Variants in AMZ2 observed in about 807,000 individuals in gnomAD.
AMZ2 encodes archaelysin family metallopeptidase 2, also known as archaemetzincin-2.
Under a neutral mutation model 36.7 loss-of-function variants are expected in AMZ2, and 26 were observed. The ratio of observed to expected loss-of-function variants is 0.71; its 90% confidence interval spans 0.52 to 0.98. AMZ2 has a LOEUF of 0.98. Ranked by LOEUF, AMZ2 falls within the 50% of genes least tolerant of loss-of-function variation. The pLI, the probability that AMZ2 is intolerant of heterozygous loss-of-function variation, is 0.00. For missense variants in AMZ2, 394 were observed against 430.5 expected (o/e 0.92, Z 0.75); for synonymous variants, 144 against 149.1 (o/e 0.97, Z 0.25).
intron 1 of AMZ2, chr17:68,249,047 G>C (rs1186717120): frequency 8.4e-7 from 1 of 1,184,736 alleles, no homozygotes. Context: ...CAAGAGGAAG[G>C]ATGAAAGCTC....
intron 6 of AMZ2, among the ~76,000 whole-genome samples, chr17:68,256,386 T>C (rs2074906161): frequency 6.6e-6 from 1 of 152,246 alleles, no homozygotes; most frequent in African/African-American, 2.4e-5. Context: ...TATGACTGCA[T>C]TCAGGTGACT....
At chr17:68,234,474 T>A (rs2073740317) in intron 1 of AMZ2, among the ~76,000 whole-genome samples, 1 of 151,534 alleles carries the variant, frequency 6.6e-6, no homozygotes, top group South Asian at 2.1e-4. Context: ...AACATGTATC[T>A]TATTGGCTGG....
chr17:68,248,193 G>A lies in AMZ2; in HGVS notation c.-513G>A. 1.0e-6 allele frequency: 1 copy of A among 986,438 alleles called. No homozygotes were observed. The highest frequency in any genetic ancestry group is 1.2e-6 in the Non-Finnish European group (1 of 830,720). The allele number at this position is 986,438 out of a possible 1,614,324, so 61.1% of individuals were successfully genotyped here. A position where few individuals can be genotyped will look rare whatever the true frequency, so the allele number is the denominator to read the frequency against. ...CGGGTCGTAGAGGCGGGGGCCGGTC[G>A]CGGTCGGTGGAGCGGGATGAGGATG... On this transcript the variant is annotated 5_prime_UTR_variant, in exon 1 of 7. Transcript: ENST00000359904.
intron 5 of AMZ2, 126 bp downstream of exon 5, chr17:68,254,693 A>G (rs1555741850): frequency 3.5e-6 from 3 of 863,312 alleles, no homozygotes; most frequent in East Asian, 5.5e-5. Flanking sequence ...ATTTTGGTGC[A>G]TAGTGCTTGA....
chr17:68,237,406 T>A (rs2073813338), intron 1 of AMZ2, among the ~76,000 whole-genome samples: 1 of 152,232 alleles, frequency 6.6e-6, no homozygotes, highest in Admixed American at 6.5e-5. Context: ...CAAGTTGGCA[T>A]TTTTACATTG....
intron 1 of AMZ2, among the ~76,000 whole-genome samples, chr17:68,214,051 C>G (rs1555726679): frequency 6.7e-6 from 1 of 149,116 alleles, no homozygotes; most frequent in Middle Eastern, 3.4e-3. Context: ...TTTTTTTCTC[C>G]TCTGTGCATG....
rs1165003709 is a variant in AMZ2 at position 68,241,787 on chromosome 17, A to G, written c.-66-6853A>G. Among the ~76,000 whole-genome samples, 7 of 140,886 alleles carry G rather than the reference A, an allele frequency of 5.0e-5. No individual in the cohort carries two copies. In the East Asian group the frequency reaches 1.2e-3, roughly 24 times the overall value. The allele number at this position is 140,886 out of a possible 152,430, so 92.4% of individuals were successfully genotyped here. ...GTCACCCAGGCTGAAGTGCAGTGGC[A>G]TGATCTCAGAACCTGCAACCTCTGC... is the stretch of plus-strand genomic sequence containing the variant. On this transcript the variant is annotated intron_variant, in intron 1 of 7. Coordinates refer to the AMZ2 transcript ENST00000674770.
intron 1 of AMZ2, among the ~76,000 whole-genome samples, chr17:68,211,690 GTATATATATGTATA>G (rs1394306948): frequency 3.2e-5 from 4 of 124,164 alleles, no homozygotes; most frequent in Non-Finnish European, 3.8e-5. Flanking sequence ...ATATGTATAT[GTATATATATGTATA>G]TATGTATATG....
chr17:68,247,239 G>C (rs1392980322), upstream of AMZ2: 2 of 150,720 alleles, frequency 1.3e-5, no homozygotes, highest in Admixed American at 6.6e-5. Flanking sequence ...GGGAGGCTGA[G>C]GCGGGAAAAT....
chr17:68,249,933 C>T, intron 1 of AMZ2: 1 of 461,126 alleles, frequency 2.2e-6, no homozygotes, highest in South Asian at 2.4e-5. Flanking sequence ...GCCACCACAC[C>T]TGGCCACCAC....
chr17:68,210,150 GAGCT>G (rs2072998331), intron 1 of AMZ2, among the ~76,000 whole-genome samples: 1 of 152,162 alleles, frequency 6.6e-6, no homozygotes, highest in South Asian at 2.1e-4. Flanking sequence ...GTTAAACTTA[GAGCT>G]ACTATATGAC....
chr17:68,254,707 A>G, intron 5 of AMZ2, 140 bp downstream of exon 5: 1 of 733,776 alleles, frequency 1.4e-6, no homozygotes, highest in Non-Finnish European at 2.2e-6. Flanking sequence ...TGCTTGACTG[A>G]AATGATCAGT....
chr17:68,225,196 A>G (rs1434118148), intron 1 of AMZ2, among the ~76,000 whole-genome samples: 1 of 152,090 alleles, frequency 6.6e-6, no homozygotes, highest in African/African-American at 2.4e-5. Context: ...GTCTTAAAAA[A>G]ACAAAAACAA....
rs1555728458 is a variant in AMZ2, at chr17:68,221,222, C to CCCA, written c.-67+14986_-67+14987insACC. ...TCAGCCCTCAGCTCCCCCCCCCGCC[C>CCCA]CCCCGGTAGCTAGGACCCCAAGTGC... On this transcript the variant is annotated intron_variant, in intron 1 of 7. Transcript: ENST00000674770. Among the ~76,000 whole-genome samples, 73 of 85,602 alleles carry CCCA rather than the reference C, an allele frequency of 8.5e-4. 2 individuals are homozygous for CCCA. Among genetic ancestry groups the CCCA allele is most frequent in the African/African-American group, 3.2e-3 (65 of 20,448 alleles). 56.2% of individuals were successfully genotyped at this position (85,602 alleles called of 152,430 possible).
intron 1 of AMZ2, among the ~76,000 whole-genome samples, chr17:68,237,787 T>G (rs1386443591): frequency 3.6e-4 from 55 of 152,152 alleles, no homozygotes; most frequent in East Asian, 1.9e-4. Flanking sequence ...CGGCTGTGCT[T>G]CTTCTGGCCA....
chr17:68,219,999 T>G (rs1315456814), intron 1 of AMZ2, among the ~76,000 whole-genome samples: 4 of 152,202 alleles, frequency 2.6e-5, no homozygotes, highest in Non-Finnish European at 2.9e-5. Context: ...AGAATCTGAC[T>G]GTGGAGGAGT....
At chr17:68,253,662 C>T (rs1182744603) in intron 4 of AMZ2, among the ~76,000 whole-genome samples, 2 of 152,052 alleles carry the variant, frequency 1.3e-5, no homozygotes, top group African/African-American at 4.8e-5. Flanking sequence ...GTCAGTGCTG[C>T]GTGAGGGAAG....
chr17:68,223,899 T>TATATATA lies in AMZ2; in HGVS notation c.-67+17661_-67+17662insATATATA, dbSNP rs36111520. On this transcript the variant is annotated intron_variant, in intron 1 of 7. Transcript: ENST00000674770. ...CCCAGCTAATTTATATATATATATATTTTTTTTTGAAACGGAGTCTCGCTC... is the reference window on the plus strand; with the variant it reads ...CCCAGCTAATTTATATATATATATATATATATATTTTTTTTGAAACGGAGTCTCGCTC... 1.8e-3 allele frequency among the ~76,000 whole-genome samples: 188 copies of TATATATA among 103,928 alleles called. 1 individual carries two copies. The highest frequency in any genetic ancestry group is 4.5e-3 in the Middle Eastern group (1 of 224). The allele number at this position is 103,928 out of a possible 152,430, so 68.2% of individuals were successfully genotyped here.
chr17:68,208,005 G>C (rs12938860), intron 1 of AMZ2, among the ~76,000 whole-genome samples: 15,902 of 152,096 alleles, frequency 0.1, 1,113 homozygotes, highest in Non-Finnish European at 0.16. Context: ...ACCTGGGCCA[G>C]CAGCTGCTGT....
Sources: gnomAD v4.1 joint callset for allele counts (sites outside exome capture counted in the v4.1 genomes callset) on GRCh38, gnomAD v4.1.1 for gene constraint, MANE v1.5 for transcripts, NCBI Gene and HGNC (gene_info 2026-07-23, HGNC 2026-07-21) for gene names.